NBPF12: variants seen among roughly 807,000 people sequenced by gnomAD.
NBPF12 encodes the protein NBPF family member NBPF12.
NBPF12 carries 115 observed loss-of-function variants against 146.4 expected under a neutral mutation model. That is an observed-to-expected ratio of 0.79 (90% CI 0.68 to 0.92). The LOEUF is 0.92. Ranked by LOEUF, NBPF12 falls within the 40% of genes least tolerant of loss-of-function variation. The pLI, the probability that NBPF12 is intolerant of heterozygous loss-of-function variation, is 0.00. For missense variants in NBPF12, 1,205 were observed against 1,326.8 expected (o/e 0.91, Z 1.43); for synonymous variants, 385 against 508.9 (o/e 0.76, Z 3.28).
chr1:146,941,895 G>A (rs1295042768), intron 1 of NBPF12, among the ~76,000 whole-genome samples: 2 of 147,402 alleles, frequency 1.4e-5, no homozygotes, highest in African/African-American at 5.1e-5. Context: ...GTCTTACTCT[G>A]TTGCCCAGGC....
At chr1:146,950,014 A>C (rs1347765671) in intron 1 of NBPF12, among the ~76,000 whole-genome samples, 1 of 152,070 alleles carries the variant, frequency 6.6e-6, no homozygotes, top group Non-Finnish European at 1.5e-5. Flanking sequence ...CTGGCATATA[A>C]CAACATAGTC....
At chr1:146,965,969 T>A (rs1229536722) in intron 8 of NBPF12, among the ~76,000 whole-genome samples, 2 of 151,370 alleles carry the variant, frequency 1.3e-5, no homozygotes, top group African/African-American at 2.4e-5. Context: ...TTAGCTGTCA[T>A]GTTACTTGGC....
chr1:146,992,462 C>G (rs878882030), intron 31 of NBPF12, among the ~76,000 whole-genome samples: 10,751 of 61,420 alleles, frequency 0.18, 74 homozygotes, highest in Admixed American at 0.23. Context: ...CTCTCTCTCT[C>G]TGTGTGTGTG....
chr1:146,940,085 A>C (rs1654729029), intron 1 of NBPF12, among the ~76,000 whole-genome samples: 1 of 152,074 alleles, frequency 6.6e-6, no homozygotes, highest in African/African-American at 2.4e-5. Flanking sequence ...TGCTTCACGA[A>C]GTTAAGGAAA....
chr1:146,968,637 G>T (rs1263281454), intron 10 of NBPF12, 87 bp downstream of exon 13: 1 of 1,247,894 alleles, frequency 8.0e-7, no homozygotes, highest in Non-Finnish European at 1.2e-6. Context: ...TAAGAGCTAA[G>T]CTGGGCCAGG....
At chr1:146,967,224 C>T (rs1235422492) in intron 9 of NBPF12, among the ~76,000 whole-genome samples, 26 of 150,152 alleles carry the variant, frequency 1.7e-4, no homozygotes, top group Non-Finnish European at 3.1e-4. Context: ...GAGTAGGGGC[C>T]GTGCATGGTG....
intron 10 of NBPF12, 95 bp downstream of exon 13, chr1:146,968,645 A>T (rs1656360824): frequency 2.6e-6 from 3 of 1,155,586 alleles, no homozygotes; most frequent in Admixed American, 1.7e-5. Flanking sequence ...AAGCTGGGCC[A>T]GGGGAAGGGC....
intron 14 of NBPF12, 58 bp from the exon 18 acceptor site, chr1:146,974,681 A>G (rs1213102755): frequency 1.6e-5 from 10 of 618,450 alleles, no homozygotes; most frequent in East Asian, 1.1e-4. Context: ...CCTGTAGGCA[A>G]TGACCACAGC....
chr1:146,966,879 G>A (rs1412486041), intron 9 of NBPF12, among the ~76,000 whole-genome samples: 3 of 149,994 alleles, frequency 2.0e-5, no homozygotes, highest in East Asian at 3.9e-4. Flanking sequence ...ATCAGGTGGG[G>A]GTGGGACTAG....
chr1:146,971,058 G>C, intron 12 of NBPF12, 125 bp from the exon 16 acceptor site: 3 of 1,480,238 alleles, frequency 2.0e-6, no homozygotes, highest in Non-Finnish European at 2.8e-6. Context: ...CTCTTAAAGG[G>C]AACCTCCATT....
chr1:146,940,145 A>T, intron 1 of NBPF12, among the ~76,000 whole-genome samples: 1 of 152,222 alleles, frequency 6.6e-6, no homozygotes, highest in East Asian at 1.9e-4. Flanking sequence ...TTATGCATTA[A>T]TAGCTTTCTT....
At chr1:146,939,938 T>C (rs1391770315) in intron 1 of NBPF12, among the ~76,000 whole-genome samples, 1 of 150,574 alleles carries the variant, frequency 6.6e-6, no homozygotes, top group African/African-American at 2.5e-5. Context: ...AGCGGAGATA[T>C]CTTGTCACTG....
At chr1:146,972,423 A>G (rs1383572784) in intron 13 of NBPF12, among the ~76,000 whole-genome samples, 1 of 151,396 alleles carries the variant, frequency 6.6e-6, no homozygotes, top group Non-Finnish European at 1.5e-5. Flanking sequence ...AAAAAAGAAA[A>G]AAATTAAAAA....
intron 8 of NBPF12, among the ~76,000 whole-genome samples, chr1:146,965,508 C>A (rs1425685645): frequency 1.3e-5 from 2 of 150,874 alleles, no homozygotes; most frequent in Non-Finnish European, 2.9e-5. Context: ...CTTGGCTGGG[C>A]ACAGTGGGTT....
upstream of NBPF12, among the ~76,000 whole-genome samples, chr1:146,948,692 G>A (rs1655182069): frequency 2.0e-5 from 3 of 151,980 alleles, no homozygotes; most frequent in Admixed American, 6.5e-5. Flanking sequence ...AGCCTCATGG[G>A]AAGGGAAAGA....
chr1:146,978,260 A>ATTTTTTTTTTTTTT (rs1187524068), intron 18 of NBPF12, among the ~76,000 whole-genome samples: 54 of 83,854 alleles, frequency 6.4e-4, no homozygotes, highest in Admixed American at 1.1e-3. Flanking sequence ...AGCGTCGTAG[A>ATTTTTTTTTTTTTT]TTTTTTTTTT....
At chr1:146,941,136 T>C (rs1389194711) in intron 1 of NBPF12, among the ~76,000 whole-genome samples, 3 of 151,590 alleles carry the variant, frequency 2.0e-5, no homozygotes, top group Non-Finnish European at 4.4e-5. Flanking sequence ...CAGGCTGGAG[T>C]GCAGTGGTAC....
chr1:146,995,612 C>T (rs1422618828), exon 34 of NBPF12: 1 of 151,132 alleles, frequency 6.6e-6, no homozygotes, highest in African/African-American at 2.5e-5. Context: ...GATCTACATT[C>T]TGAAGTTGTC....
chr1:146,981,294 A>AAATATATATAT (rs1162326884), intron 19 of NBPF12, among the ~76,000 whole-genome samples: 2 of 90,246 alleles, frequency 2.2e-5, no homozygotes, highest in African/African-American at 9.6e-5. Context: ...AAAAAAAAAA[A>AAATATATATAT]ATATATATAT....
Sources: allele counts gnomAD v4.1 joint callset (sites outside exome capture counted in the v4.1 genomes callset), GRCh38; gene constraint gnomAD v4.1.1; transcripts MANE v1.5; gene names NCBI Gene and HGNC (gene_info 2026-07-23, HGNC 2026-07-21).